ARMC9: variants seen among roughly 807,000 people sequenced by gnomAD.
The protein encoded by ARMC9 is lisH domain-containing protein ARMC9.
ARMC9 carries 94 observed loss-of-function variants against 107.0 expected under a neutral mutation model. That is an observed-to-expected ratio of 0.88 (90% CI 0.74 to 1.04). The LOEUF (loss-of-function observed/expected upper bound fraction) is 1.04, where lower values mean the gene tolerates loss of function less well. ARMC9 is among the 50% of genes least tolerant of loss of function. The probability of loss-of-function intolerance (pLI) is 0.00; values close to 1 mark genes in which losing one functional copy is unlikely to be tolerated. For synonymous variants in ARMC9, 380 were observed against 396.9 expected (o/e 0.96, Z 0.51); for missense variants, 942 against 1,030.1 (o/e 0.91, Z 1.17).
chr2:231,318,934 G>A (rs1318018440), intron 19 of ARMC9, among the ~76,000 whole-genome samples: 1 of 152,176 alleles, frequency 6.6e-6, no homozygotes, highest in African/African-American at 2.4e-5. Flanking sequence ...ATGATAGCCA[G>A]GTGACCATGA....
At chr2:231,325,603 C>T (rs2043270776) in intron 19 of ARMC9, among the ~76,000 whole-genome samples, 1 of 152,144 alleles carries the variant, frequency 6.6e-6, no homozygotes, top group African/African-American at 2.4e-5. Flanking sequence ...GAGCTCCCTG[C>T]CACTCACTCA....
chr2:231,353,116 C>A (rs2045175940), intron 21 of ARMC9, among the ~76,000 whole-genome samples: 1 of 131,680 alleles, frequency 7.6e-6, no homozygotes, highest in African/African-American at 4.4e-5. Context: ...ACTTTCTTTT[C>A]CCCTTTTGGG....
chr2:231,264,534 G>A (rs1201578031), intron 12 of ARMC9, among the ~76,000 whole-genome samples: 1 of 150,072 alleles, frequency 6.7e-6, no homozygotes, highest in Non-Finnish European at 1.5e-5. Flanking sequence ...TTTCACTCTA[G>A]TCGCCCAGGC....
At position 231,376,131 on chromosome 2, in the gene ARMC9, G is replaced by A. The variant is rs1032548029; in HGVS notation, c.*4596G>A. On this transcript the variant is annotated 3_prime_UTR_variant, in exon 25 of 25. Coordinates refer to ENST00000611582, the MANE Select transcript of ARMC9 (RefSeq NM_001352754.2). ...ATCCTGTCAGCTGAGGGGGATGTATGTTGCCTCAGGACCCTGTAATAATTG... is the reference window on the plus strand; with the variant it reads ...ATCCTGTCAGCTGAGGGGGATGTATATTGCCTCAGGACCCTGTAATAATTG... Among the ~76,000 whole-genome samples the A allele has an allele frequency of 5.9e-5, 9 of 152,102 alleles. No homozygotes were observed. Among genetic ancestry groups the A allele is most frequent in the Non-Finnish European group, 1.0e-4 (7 of 68,036 alleles).
chr2:231,265,343 C>A (rs553072060), intron 12 of ARMC9, among the ~76,000 whole-genome samples: 1 of 152,234 alleles, frequency 6.6e-6, no homozygotes, highest in East Asian at 1.9e-4. Flanking sequence ...TTGGAACCAA[C>A]CTAAGTGCCC....
At chr2:231,325,145 G>C (rs1046904111) in intron 19 of ARMC9, among the ~76,000 whole-genome samples, 1 of 152,164 alleles carries the variant, frequency 6.6e-6, no homozygotes, top group Non-Finnish European at 1.5e-5. Flanking sequence ...GATCACTGGA[G>C]CCTGGGAAGT....
intron 21 of ARMC9, among the ~76,000 whole-genome samples, chr2:231,355,420 T>C (rs1377542618): frequency 4.6e-5 from 7 of 152,252 alleles, no homozygotes; most frequent in African/African-American, 1.7e-4. Flanking sequence ...ATGTCTTCTC[T>C]GGTTGGATTC....
chr2:231,374,919 G>A lies in ARMC9; in HGVS notation c.*3384G>A, dbSNP rs1246183525. On this transcript the variant is annotated 3_prime_UTR_variant, in exon 25 of 25. Transcript: ENST00000611582. ...CTCTCTCCTGGCCTAGAATCTGGGG[G>A]ATCCTCCTGTCCCTCCCACAGTGCC... 6.6e-6 allele frequency: 1 copy of A among 152,192 alleles called. No homozygotes were observed. The highest frequency in any genetic ancestry group is 2.4e-5 in the African/African-American group (1 of 41,434). 9.4% of individuals were successfully genotyped at this position (152,192 alleles called of 1,614,324 possible).
intron 21 of ARMC9, among the ~76,000 whole-genome samples, chr2:231,350,048 G>A (rs2044994763): frequency 6.6e-6 from 1 of 151,632 alleles, no homozygotes; most frequent in Non-Finnish European, 1.5e-5. Flanking sequence ...AAAAATTGAG[G>A]GGAAGTCTTG....
At chr2:231,213,235 C>T (rs10187005) in intron 3 of ARMC9, among the ~76,000 whole-genome samples, 39,989 of 149,740 alleles carry the variant, frequency 0.27, 5,476 homozygotes, top group African/African-American at 0.3. Flanking sequence ...GGGATCTCAG[C>T]TCAGTGCAGC....
chr2:231,224,557 G>C (rs879275197), intron 6 of ARMC9, among the ~76,000 whole-genome samples: 2 of 152,236 alleles, frequency 1.3e-5, no homozygotes, highest in Non-Finnish European at 2.9e-5. Context: ...TATATAGTAA[G>C]TGCTTGATAA....
At chr2:231,353,571 C>G (rs573405602) in intron 21 of ARMC9, among the ~76,000 whole-genome samples, 1 of 150,448 alleles carries the variant, frequency 6.6e-6, no homozygotes, top group South Asian at 2.1e-4. Context: ...CAGCAAAGTC[C>G]CCTGCTTCAG....
At chr2:231,235,494 G>T in intron 8 of ARMC9, 113 bp downstream of exon 8, 2 of 1,274,742 alleles carry the variant, frequency 1.6e-6, no homozygotes, top group Non-Finnish European at 2.1e-6. Flanking sequence ...CCAAGCCAGT[G>T]GCGCCTGCTG....
rs114910766 is a variant in ARMC9 at position 231,289,775 on chromosome 2, C to T, written c.1627-1578C>T. Among the ~76,000 whole-genome samples the T allele has an allele frequency of 3.5e-3, 528 of 152,262 alleles. 4 individuals carry two copies. The highest frequency in any genetic ancestry group is 0.012 in the African/African-American group (485 of 41,544). ...TTCTTCCTCCCTTCCAGATTGTCAC[C>T]TCCTCCTCTGTGAGCTTACCCATCT... On this transcript the variant is annotated intron_variant, in intron 17 of 24. Transcript: ENST00000611582.
intron 11 of ARMC9, 90 bp downstream of exon 11, chr2:231,259,192 CT>C (rs1177148681): frequency 4.1e-5 from 46 of 1,128,276 alleles, no homozygotes; most frequent in Non-Finnish European, 5.5e-5. Flanking sequence ...TTTAACCCAT[CT>C]TCCAGAAATC....
chr2:231,332,160 A>G (rs2043785934), intron 20 of ARMC9, among the ~76,000 whole-genome samples: 1 of 152,174 alleles, frequency 6.6e-6, no homozygotes, highest in African/African-American at 2.4e-5. Flanking sequence ...ACATCAGAAG[A>G]TATGCCTGGC....
chr2:231,247,782 T>C (rs1248811757), intron 9 of ARMC9, among the ~76,000 whole-genome samples: 2 of 152,050 alleles, frequency 1.3e-5, no homozygotes, highest in Non-Finnish European at 2.9e-5. Flanking sequence ...AATACAAAAA[T>C]TAGCCGAGCG....
At chr2:231,238,542 G>A (rs2035985791) in intron 8 of ARMC9, among the ~76,000 whole-genome samples, 1 of 151,998 alleles carries the variant, frequency 6.6e-6, no homozygotes, top group South Asian at 2.1e-4. Context: ...TATTAGAGAT[G>A]GTATTTCACT....
chr2:231,343,914 A>AG (rs1382355094), intron 20 of ARMC9, among the ~76,000 whole-genome samples: 2 of 152,074 alleles, frequency 1.3e-5, no homozygotes, highest in Non-Finnish European at 1.5e-5. Flanking sequence ...AAAAAAAAAA[A>AG]GCATTCTTTA....
Sources: gnomAD v4.1 joint callset for allele counts (sites outside exome capture counted in the v4.1 genomes callset) on GRCh38, gnomAD v4.1.1 for gene constraint, MANE v1.5 for transcripts, NCBI Gene and HGNC (gene_info 2026-07-23, HGNC 2026-07-21) for gene names.